Variants in TRIQK observed in about 807,000 individuals in gnomAD.
TRIQK encodes the protein triple QxxK/R motif-containing protein.
TRIQK carries 10 observed loss-of-function variants against 10.8 expected under a neutral mutation model. The observed-to-expected ratio is 0.92, with a 90% CI of 0.57 to 1.57. TRIQK has a LOEUF of 1.57. Among genes scored for constraint, TRIQK ranks in the 40% most tolerant of loss-of-function variants. The pLI, the probability that TRIQK is intolerant of heterozygous loss-of-function variation, is 0.00. For missense variants in TRIQK, 107 were observed against 97.7 expected (o/e 1.09, Z -0.40); for synonymous variants, 33 against 33.7 (o/e 0.98, Z 0.07).
At chr8:92,993,205 C>T (rs1563674309) in intron 1 of TRIQK, among the ~76,000 whole-genome samples, 1 of 152,146 alleles carries the variant, frequency 6.6e-6, no homozygotes, top group South Asian at 2.1e-4. Flanking sequence ...CCCCAATCAA[C>T]ATTTTTCTTT....
intron 1 of TRIQK, among the ~76,000 whole-genome samples, chr8:93,001,189 C>T (rs1813207531): frequency 6.6e-6 from 1 of 151,852 alleles, no homozygotes; most frequent in South Asian, 2.1e-4. Flanking sequence ...TAGCTGTAGT[C>T]CCAGCTACTG....
chr8:92,949,769 AAGGAAAGAAAGAAAAAGAAAGAAAG>A (rs1811759798), intron 2 of TRIQK, among the ~76,000 whole-genome samples: 3 of 109,926 alleles, frequency 2.7e-5, no homozygotes, highest in African/African-American at 1.2e-4. Flanking sequence ...AAAGAAAGAG[AAGGAAAGAAAGAAAAAGAAAGAAAG>A]AAAGAAAGAA....
At chr8:92,890,962 T>C (rs532076660) in intron 4 of TRIQK, among the ~76,000 whole-genome samples, 3 of 152,026 alleles carry the variant, frequency 2.0e-5, no homozygotes, top group Non-Finnish European at 4.4e-5. Context: ...AAAAGATGAA[T>C]CTTCTCTCTT....
At chr8:92,996,401 T>C (rs375978143) in intron 1 of TRIQK, among the ~76,000 whole-genome samples, 5 of 152,074 alleles carry the variant, frequency 3.3e-5, no homozygotes, top group East Asian at 1.9e-4. Flanking sequence ...GCCTACTGCA[T>C]TGAACCATAA....
intron 3 of TRIQK, among the ~76,000 whole-genome samples, chr8:92,914,169 G>T (rs1809713124): frequency 6.6e-6 from 1 of 151,944 alleles, no homozygotes; most frequent in Non-Finnish European, 1.5e-5. Flanking sequence ...AATAAATTAG[G>T]TATAGAATGA....
intron 2 of TRIQK, among the ~76,000 whole-genome samples, chr8:92,943,570 G>A (rs1404881740): frequency 6.6e-6 from 1 of 152,118 alleles, no homozygotes; most frequent in Non-Finnish European, 1.5e-5. Context: ...ACACAGAATA[G>A]AAAAAGAACA....
chr8:92,933,061 C>G (rs1810814525), intron 2 of TRIQK, among the ~76,000 whole-genome samples: 1 of 152,062 alleles, frequency 6.6e-6, no homozygotes, highest in South Asian at 2.1e-4. Context: ...AAGATATGCT[C>G]ATTTCTAATA....
Position 92,966,113 on chromosome 8 carries a change from C to A in TRIQK, c.-287G>T, listed in dbSNP as rs773153340. 3.9e-5 allele frequency: 6 copies of A among 152,406 alleles called. No individual in the cohort carries two copies. The highest frequency in any genetic ancestry group is 9.6e-5 in the African/African-American group (4 of 41,472). 9.4% of individuals were successfully genotyped at this position (152,406 alleles called of 1,614,324 possible). Reference sequence around the variant, plus strand: ...AGGGGCGGGACAAGCCAGCCGCACACCCCTACTCCCAAAGGGTGAGGCGGA... The same window carrying A: ...AGGGGCGGGACAAGCCAGCCGCACAACCCTACTCCCAAAGGGTGAGGCGGA... On this transcript the variant is annotated 5_prime_UTR_variant, in exon 1 of 5. Transcript: ENST00000521988.
At chr8:92,984,292 A>T (rs1450597630) in intron 1 of TRIQK, among the ~76,000 whole-genome samples, 1 of 152,102 alleles carries the variant, frequency 6.6e-6, no homozygotes, top group Non-Finnish European at 1.5e-5. Flanking sequence ...ACACTTTCTT[A>T]TACTGACAGA....
At chr8:92,958,155 T>C (rs1012778962) in intron 1 of TRIQK, among the ~76,000 whole-genome samples, 1 of 151,962 alleles carries the variant, frequency 6.6e-6, no homozygotes, top group African/African-American at 2.4e-5. Flanking sequence ...CTCTAGCCAC[T>C]TTTCTCTAGA....
At chr8:92,930,153 A>C (rs187739749) in intron 2 of TRIQK, among the ~76,000 whole-genome samples, 30 of 151,816 alleles carry the variant, frequency 2.0e-4, no homozygotes, top group Admixed American at 1.5e-3. Context: ...CAAGGCGGGC[A>C]GATCACCAGA....
At chr8:92,887,584 CA>C (rs1465376105) in intron 4 of TRIQK, among the ~76,000 whole-genome samples, 1 of 151,024 alleles carries the variant, frequency 6.6e-6, no homozygotes, top group Non-Finnish European at 1.5e-5. Flanking sequence ...AAAAAAAAAG[CA>C]AATAGAATGC....
intron 2 of TRIQK, among the ~76,000 whole-genome samples, chr8:92,934,763 G>T (rs2130572587): frequency 6.6e-6 from 1 of 151,928 alleles, no homozygotes; most frequent in Middle Eastern, 3.4e-3. Flanking sequence ...CAGCTATGAT[G>T]CAAATTATGC....
At chr8:92,928,918 T>A (rs551020102) in intron 2 of TRIQK, among the ~76,000 whole-genome samples, 2 of 152,324 alleles carry the variant, frequency 1.3e-5, no homozygotes, top group Admixed American at 6.5e-5. Context: ...TGAAGTTAAC[T>A]AAGTAGGCTA....
intron 2 of TRIQK, among the ~76,000 whole-genome samples, chr8:92,930,756 C>G (rs192591737): frequency 6.6e-6 from 1 of 152,118 alleles, no homozygotes; most frequent in East Asian, 1.9e-4. Flanking sequence ...CTAAAGATCA[C>G]AAACTTTGAG....
At chr8:92,904,232 T>C (rs1809121520) in intron 3 of TRIQK, among the ~76,000 whole-genome samples, 1 of 152,138 alleles carries the variant, frequency 6.6e-6, no homozygotes, top group Admixed American at 6.5e-5. Context: ...GCTCAAATGA[T>C]AATGGAAATA....
chr8:92,914,551 T>C (rs1411757232), intron 3 of TRIQK, among the ~76,000 whole-genome samples: 1 of 152,116 alleles, frequency 6.6e-6, no homozygotes, highest in African/African-American at 2.4e-5. Context: ...GACAACTTGA[T>C]TGAACATACC....
intron 1 of TRIQK, among the ~76,000 whole-genome samples, chr8:92,963,220 C>A (rs146679961): frequency 6.6e-6 from 1 of 152,226 alleles, no homozygotes; most frequent in South Asian, 2.1e-4. Context: ...TACATTTATG[C>A]GTTTTACAAA....
intron 2 of TRIQK, among the ~76,000 whole-genome samples, chr8:92,935,989 T>C (rs1047054764): frequency 1.3e-5 from 2 of 151,612 alleles, no homozygotes; most frequent in African/African-American, 4.8e-5. Context: ...ACAGGTAAGA[T>C]TAAATGGTCA....
Sources: allele counts gnomAD v4.1 joint callset (sites outside exome capture counted in the v4.1 genomes callset), GRCh38; gene constraint gnomAD v4.1.1; transcripts MANE v1.5; gene names NCBI Gene and HGNC (gene_info 2026-07-23, HGNC 2026-07-21).